The following TTC38 variants were observed in gnomAD, a reference collection of about 807,000 sequenced individuals.
TTC38 encodes the protein tetratricopeptide repeat domain 38.
A neutral mutation model predicts 64.2 loss-of-function variants in TTC38; 64 were observed. That is an observed-to-expected ratio of 1.00 (90% confidence interval 0.81 to 1.23). The LOEUF is 1.23. Ranked by LOEUF, TTC38 falls within the 50% of genes most tolerant of loss-of-function variation. The pLI is 0.00. For synonymous variants in TTC38, 254 were observed against 249.3 expected, an observed-to-expected ratio of 1.02 and a Z score of -0.18; for missense variants, 573 against 615.5, an observed-to-expected ratio of 0.93 and a Z score of 0.73.
At position 46,268,053 on chromosome 22, in the gene TTC38, C is replaced by T. The variant is rs563970921; in HGVS notation, c.14C>T (p.Ser5Leu). 127 of 1,543,122 alleles carry T rather than the reference C, an allele frequency of 8.2e-5. 1 individual carries two copies. The African/African-American group carries it at 1.4e-3, about 17-fold the overall frequency. The change falls in exon 1 of 14, where the codon TCG becomes TTG. Residue 5 changes from serine to leucine, a missense_variant. This residue lies in a region of TTC38 where 134 missense variants were observed against 126.5 expected (regional missense o/e 1.06). Coordinates refer to ENST00000381031, the MANE Select transcript of TTC38 (RefSeq NM_017931.4). MAAA[S>L]PLRDCQAWKD... is the part of the protein sequence containing the mutation. ...ACCCGGCGCAACATGGCCGCAGCCT[C>T]GCCTCTGCGCGACTGCCAGGTACAC...
chr22:46,288,603 C>T lies in TTC38; in HGVS notation c.1082+15C>T. The T allele has an allele frequency of 6.2e-7, 1 of 1,611,910 alleles. No homozygotes were observed. The highest frequency in any genetic ancestry group is 2.2e-5 in the East Asian group (1 of 44,854). ...GACGCCAGCGAGTATGCAGAGGGGC[C>T]TTCTCGGGGTGGGGGTCCTCACCCT... On this transcript the variant is annotated intron_variant, in intron 11 of 13. Transcript: ENST00000381031.
chr22:46,281,447 TTG>T lies in TTC38; in HGVS notation c.616-150_616-149del. 4 of 820,044 alleles carry T rather than the reference TTG, an allele frequency of 4.9e-6. No homozygotes were observed. Among genetic ancestry groups the T allele is most frequent in the South Asian group, 1.6e-5 (1 of 62,278 alleles). The allele number at this position is 820,044 out of a possible 1,614,324, so 50.8% of individuals were successfully genotyped here. ...CCGGGCAGGCAGGAAGTGGTGCTAA[TTG>T]TCAGTGTTTTGAGTCAGAGCCCCGC... On this transcript the variant is annotated intron_variant, in intron 6 of 13. Coordinates refer to ENST00000381031, the MANE Select transcript of TTC38 (RefSeq NM_017931.4). The surrounding 1 kb of genome is among the most constrained non-coding windows in gnomAD (Gnocchi z 5.2).
intron 9 of TTC38, among the ~76,000 whole-genome samples, chr22:46,285,821 T>C (rs1173691842): frequency 6.6e-6 from 1 of 151,888 alleles, no homozygotes; most frequent in East Asian, 1.9e-4. Flanking sequence ...AAGACCAGCC[T>C]GGCCAACATG....
At position 46,291,044 on chromosome 22, in the gene TTC38, A is replaced by G. The variant is rs555822006; in HGVS notation, c.1316+1145A>G. 1.3e-5 allele frequency among the ~76,000 whole-genome samples: 2 copies of G among 152,188 alleles called. No homozygotes were observed. Among genetic ancestry groups the G allele is most frequent in the Non-Finnish European group, 2.9e-5 (2 of 68,036 alleles). On this transcript the variant is annotated intron_variant, in intron 13 of 13. Transcript: ENST00000381031. The surrounding 1 kb of genome is among the most constrained non-coding windows in gnomAD (Gnocchi z 4.6). Reference sequence around the variant, plus strand: ...GGTTTAGGCGCAGGTGCACCAGCGCAGCTCCCTCCAGGCAGGGTTACCCAA... The same window carrying G: ...GGTTTAGGCGCAGGTGCACCAGCGCGGCTCCCTCCAGGCAGGGTTACCCAA...
In TTC38 at chr22:46,284,040, G is replaced by T; in HGVS notation, c.795+8G>T. Reference sequence around the variant, plus strand: ...TTATATCTGATTGAGAAGGTAAGGTGACCATCTGTTTGCACTGTCTTATCC... The same window carrying T: ...TTATATCTGATTGAGAAGGTAAGGTTACCATCTGTTTGCACTGTCTTATCC... On this transcript the variant is annotated splice_region_variant and intron_variant, in intron 8 of 13. Coordinates refer to ENST00000381031, the MANE Select transcript of TTC38 (RefSeq NM_017931.4). 1.9e-6 allele frequency: 3 copies of T among 1,601,158 alleles called. No homozygotes were observed. The South Asian group carries it at 3.3e-5, about 18-fold the overall frequency.
rs548401456 is a variant in TTC38 at position 46,271,790 on chromosome 22, C to T, written c.112-545C>T. Among the ~76,000 whole-genome samples, 5 of 152,314 alleles carry T rather than the reference C, an allele frequency of 3.3e-5. No individual in the cohort carries two copies. The highest frequency in any genetic ancestry group is 4.1e-4 in the South Asian group (2 of 4,832). ...TCTTCCAAAGTACTGGGATTACAGGCGTGAGCCATCGCGCCCAGCCAGAAC... is the reference window on the plus strand; with the variant it reads ...TCTTCCAAAGTACTGGGATTACAGGTGTGAGCCATCGCGCCCAGCCAGAAC... On this transcript the variant is annotated intron_variant, in intron 2 of 13. Coordinates refer to ENST00000381031, the MANE Select transcript of TTC38 (RefSeq NM_017931.4). The surrounding 1 kb of genome is among the most constrained non-coding windows in gnomAD (Gnocchi z 5.5).
At position 46,292,238 on chromosome 22, in the gene TTC38, C is replaced by T. The variant is rs1051926992; in HGVS notation, c.1317-553C>T. 1.3e-5 allele frequency: 6 copies of T among 447,158 alleles called. No homozygotes were observed. The highest frequency in any genetic ancestry group is 1.0e-4 in the African/African-American group (5 of 49,572). The allele number at this position is 447,158 out of a possible 1,614,324, so 27.7% of individuals were successfully genotyped here. ...TCACTCGGTCATCCAGGTTGGAATG[C>T]AGTGGTGTGATCACAGTTCACTGTA... is the stretch of plus-strand genomic sequence containing the variant. On this transcript the variant is annotated intron_variant, in intron 13 of 13. Transcript: ENST00000381031. The surrounding 1 kb of genome is among the most constrained non-coding windows in gnomAD (Gnocchi z 6.5).
In TTC38 at chr22:46,274,040, C is replaced by CGTG; in HGVS notation, c.337_339dup (p.Val113dup). The CGTG allele has an allele frequency of 1.2e-6, 2 of 1,613,416 alleles. No individual in the cohort carries two copies. The highest frequency in any genetic ancestry group is 2.2e-5 in the South Asian group (2 of 91,086). Reference sequence around the variant, plus strand: ...CGCTGACAAGGCGGGAGCAGCTGCACGTGTCTGCAGTAGAGACATTTGCCA... The same window carrying CGTG: ...CGCTGACAAGGCGGGAGCAGCTGCACGTGGTGTCTGCAGTAGAGACATTTGCCA... On this transcript the variant is annotated inframe_insertion, in exon 4 of 14. Transcript: ENST00000381031. The surrounding 1 kb of genome is among the most constrained non-coding windows in gnomAD (Gnocchi z 4.8).
rs1156402900 is a variant in TTC38, at chr22:46,275,305, C to T, written c.423C>T (p.Asp141=). Residue 141 remains aspartate, a synonymous_variant, in exon 5 of 14, where the codon GAC becomes GAT. Coordinates refer to ENST00000381031, the MANE Select transcript of TTC38 (RefSeq NM_017931.4). The surrounding 1 kb of genome is among the most constrained non-coding windows in gnomAD (Gnocchi z 4.5). The part of the protein sequence containing the change: ...WEQILQDHPT[D]MLALKFSHDA... The stretch of plus-strand genomic sequence containing the variant: ...AGATTCTCCAGGACCACCCGACAGA[C>T]ATGTTGGCCCTGAAATTTTCCCATG... 3 of 1,614,166 alleles carry T rather than the reference C, an allele frequency of 1.9e-6. No individual in the cohort carries two copies. Among genetic ancestry groups the T allele is most frequent in the South Asian group, 1.1e-5 (1 of 91,080 alleles).
At chr22:46,285,395 G>C in intron 9 of TTC38, 116 bp downstream of exon 9, 1 of 1,040,536 alleles carries the variant, frequency 9.6e-7, no homozygotes. Context: ...GCTGGAGCAA[G>C]AACACATTTC....
In TTC38 at chr22:46,274,600, T is replaced by C. The variant is rs1288468608; in HGVS notation, c.365+531T>C. Among the ~76,000 whole-genome samples the C allele has an allele frequency of 6.6e-6, 1 of 152,196 alleles. No homozygotes were observed. Among genetic ancestry groups the C allele is most frequent in the Non-Finnish European group, 1.5e-5 (1 of 68,032 alleles). Reference sequence around the variant, plus strand: ...AGCCGATTGTGCAGGGACTCAGGGATTCCGAACCCTGAGACTGGGGAGGTG... The same window carrying C: ...AGCCGATTGTGCAGGGACTCAGGGACTCCGAACCCTGAGACTGGGGAGGTG... On this transcript the variant is annotated intron_variant, in intron 4 of 13. Transcript: ENST00000381031. This position sits in a 1 kb window ranked among gnomAD's most constrained non-coding sequence, Gnocchi z 4.8.
chr22:46,268,728 A>C, intron 2 of TTC38, 137 bp downstream of exon 2: 1 of 826,320 alleles, frequency 1.2e-6, no homozygotes. Flanking sequence ...TCTGTCGCCC[A>C]GGCTGGAGTG....
intron 9 of TTC38, among the ~76,000 whole-genome samples, chr22:46,286,008 C>T: frequency 1.4e-5 from 1 of 73,664 alleles, no homozygotes; most frequent in African/African-American, 3.1e-4. Flanking sequence ...GAGTGAGACT[C>T]TGTCTCAAAA....
rs1450317544 is a variant in TTC38, at chr22:46,270,485, T to C, written c.112-1850T>C. 6.6e-6 allele frequency among the ~76,000 whole-genome samples: 1 copy of C among 152,218 alleles called. No individual in the cohort carries two copies. Among genetic ancestry groups the C allele is most frequent in the Non-Finnish European group, 1.5e-5 (1 of 68,036 alleles). On this transcript the variant is annotated intron_variant, in intron 2 of 13. Coordinates refer to ENST00000381031, the MANE Select transcript of TTC38 (RefSeq NM_017931.4). The surrounding 1 kb of genome is among the most constrained non-coding windows in gnomAD (Gnocchi z 4.7). ...ATGTGTGATTATAGGTCTAGGACTT[T>C]TTTTAAAACAGGCATTTGAGTAAAG...
In TTC38 at chr22:46,283,988, G is replaced by A; in HGVS notation, c.751G>A (p.Ala251Thr). 10 of 1,597,022 alleles carry A rather than the reference G, an allele frequency of 6.3e-6. No homozygotes were observed. The highest frequency in any genetic ancestry group is 7.7e-6 in the Non-Finnish European group (9 of 1,174,032). The change falls in exon 8 of 14, where the codon GCT (alanine) becomes ACT (threonine). Residue 251 changes from alanine to threonine, a missense_variant. Physicochemically the swap from Ala to Thr is moderately conservative, Grantham distance 58 (BLOSUM62 0). This residue lies in a region of TTC38 where 371 missense variants were observed against 381.8 expected (regional missense o/e 0.97). Coordinates refer to ENST00000381031, the MANE Select transcript of TTC38 (RefSeq NM_017931.4). ...TTTTCTCCAGGACTCTGATATGTTG[G>A]CTTGTCATAACTATTGGCACTGGGC... ...ETFWKDSDMLACHNYWHWALY... is the reference protein window; with the variant it reads ...ETFWKDSDMLTCHNYWHWALY...
chr22:46,289,865 A>G lies in TTC38; in HGVS notation c.1282A>G (p.Asn428Asp), dbSNP rs566988493. ...FNQLLIHAAL[N>D]CTSSVHKNVA... ...CCAGCTGCTGATTCACGCGGCCTTA[A>G]ACTGCACCTCCAGCGTCCATAAGAA... Residue 428 changes from asparagine to aspartate, a missense_variant, in exon 13 of 14, where the codon AAC (asparagine) becomes GAC (aspartate). By Grantham distance (23) the Asn-to-Asp change is conservative. Transcript: ENST00000381031. The G allele has an allele frequency of 1.2e-6, 2 of 1,614,064 alleles. No individual in the cohort carries two copies. Among genetic ancestry groups the G allele is most frequent in the South Asian group, 2.2e-5 (2 of 91,082 alleles).
chr22:46,283,856 A>AAAG, intron 7 of TTC38, 117 bp from the exon 8 acceptor site: 1 of 452,952 alleles, frequency 2.2e-6, no homozygotes, highest in African/African-American at 2.2e-5. Flanking sequence ...AGTCTCAAAA[A>AAAG]AAAAAAAAAA....
At chr22:46,285,313 C>T (rs2077563876) in intron 9 of TTC38, 34 bp downstream of exon 9, 4 of 1,611,570 alleles carry the variant, frequency 2.5e-6, no homozygotes, top group Admixed American at 3.3e-5. Context: ...TGGTTTGTTG[C>T]AGCATTTTGC....
chr22:46,268,767 C>A (rs1056129769), intron 2 of TTC38, 176 bp downstream of exon 2: 6 of 600,706 alleles, frequency 1.0e-5, no homozygotes, highest in South Asian at 1.9e-5. Context: ...TCACTGCAAG[C>A]TTTGCCTCCC....
Sources: allele counts gnomAD v4.1 joint callset (sites outside exome capture counted in the v4.1 genomes callset), GRCh38; gene constraint gnomAD v4.1.1; regional missense constraint gnomAD v4.1.1; non-coding constraint Gnocchi (gnomAD v3.1); transcripts MANE v1.5; gene names NCBI Gene and HGNC (gene_info 2026-07-23, HGNC 2026-07-21).